The following ATP8B2 variants were observed in gnomAD, a reference collection of about 807,000 sequenced individuals.
ATP8B2 encodes phospholipid-transporting ATPase ID.
A neutral mutation model predicts 133.4 loss-of-function variants in ATP8B2; 70 were observed. That is an observed-to-expected ratio of 0.52 (90% CI 0.43 to 0.64). The LOEUF (loss-of-function observed/expected upper bound fraction) is 0.64, where lower values mean the gene tolerates loss of function less well. Ranked by LOEUF, ATP8B2 falls within the 30% of genes least tolerant of loss-of-function variation. The pLI is 0.00. For synonymous variants in ATP8B2, 517 were observed against 589.5 expected (o/e 0.88, Z 1.78); for missense variants, 1,101 against 1,535.7 (o/e 0.72, Z 4.73).
rs1686093553 is a variant in ATP8B2, at chr1:154,334,054, T to C, written c.590-53T>C. On this transcript the variant is annotated intron_variant, in intron 9 of 27. Coordinates refer to ENST00000368489, the MANE Select transcript of ATP8B2 (RefSeq NM_001370597.1). This position sits in a 1 kb window ranked among gnomAD's most constrained non-coding sequence, Gnocchi z 4.6. ...ATTTTCTCTTTGTTTTATTGTCTTG[T>C]GGTTAGGCTGTAGACTGGACCTTAA... 3.1e-6 allele frequency: 5 copies of C among 1,590,632 alleles called. No individual in the cohort carries two copies. Among genetic ancestry groups the C allele is most frequent in the Middle Eastern group, 1.7e-4 (1 of 5,968 alleles).
At position 154,350,646 on chromosome 1, in the gene ATP8B2, G is replaced by A. The variant is rs1046832027; in HGVS notation, c.*1528G>A. The A allele has an allele frequency of 6.6e-6, 1 of 152,338 alleles. No individual in the cohort carries two copies. The highest frequency in any genetic ancestry group is 2.4e-5 in the African/African-American group (1 of 41,460). 9.4% of individuals were successfully genotyped at this position (152,338 alleles called of 1,614,324 possible). A position where few individuals can be genotyped will look rare whatever the true frequency, so the allele number is the denominator to read the frequency against. On this transcript the variant is annotated 3_prime_UTR_variant, in exon 28 of 28. Transcript: ENST00000368489. Reference sequence around the variant, plus strand: ...TGTGCCGGGTAGTAGAGGAGGATAAGGGCAAAACCAGGCCCAGGCCAGTGC... The same window carrying A: ...TGTGCCGGGTAGTAGAGGAGGATAAAGGCAAAACCAGGCCCAGGCCAGTGC...
At chr1:154,333,806 T>G (rs1452439237) in intron 9 of ATP8B2, among the ~76,000 whole-genome samples, 3 of 151,832 alleles carry the variant, frequency 2.0e-5, no homozygotes, top group Non-Finnish European at 2.9e-5. Context: ...GGCTAATTTT[T>G]GTATTTTTAG....
At position 154,346,573 on chromosome 1, in the gene ATP8B2, G is replaced by A; in HGVS notation, c.3025-47G>A. The A allele has an allele frequency of 6.2e-7, 1 of 1,612,500 alleles. No individual in the cohort carries two copies. ...CACCACAGTTCTGTTTCTGGGGGAAGGGGCTTTTAGGGCGTGCGCCTGCCT... is the reference window on the plus strand; with the variant it reads ...CACCACAGTTCTGTTTCTGGGGGAAAGGGCTTTTAGGGCGTGCGCCTGCCT... On this transcript the variant is annotated intron_variant, in intron 25 of 27. Transcript: ENST00000368489. This position sits in a 1 kb window ranked among gnomAD's most constrained non-coding sequence, Gnocchi z 4.5.
chr1:154,349,093 G>T lies in ATP8B2; in HGVS notation c.3548G>T (p.Gly1183Val), dbSNP rs752965546. The T allele has an allele frequency of 1.9e-6, 3 of 1,614,062 alleles. No individual in the cohort carries two copies. The highest frequency in any genetic ancestry group is 2.2e-5 in the South Asian group (2 of 91,082). Residue 1183 changes from glycine (G) to valine (V), a missense_variant, in exon 28 of 28, where the codon GGT (glycine) becomes GTT (valine). Physicochemically the swap from Gly to Val is moderately radical, Grantham distance 109 (BLOSUM62 -3). Transcript: ENST00000368489. ...GACAGTGCCAGTAGCCCCAGTGGCG[G>T]TGCCGACAAGCCCCTCAAGGGCTGA... The part of the protein sequence containing the change: ...KSDSASSPSG[G>V]ADKPLKG
Position 154,345,721 on chromosome 1 carries a change from T to C in ATP8B2, c.2695-79T>C. 7.1e-7 allele frequency: 1 copy of C among 1,409,464 alleles called. No homozygotes were observed. The highest frequency in any genetic ancestry group is 1.0e-6 in the Non-Finnish European group (1 of 996,602). 87.3% of individuals were successfully genotyped at this position (1,409,464 alleles called of 1,614,324 possible). A position where few individuals can be genotyped will look rare whatever the true frequency, so the allele number is the denominator to read the frequency against. ...AGAAAATTTCTTAGGGTTCTCTGTA[T>C]GTGACATCAGCTGTCTTCCTGTGCC... On this transcript the variant is annotated intron_variant, in intron 23 of 27. Transcript: ENST00000368489. This position sits in a 1 kb window ranked among gnomAD's most constrained non-coding sequence, Gnocchi z 5.6.
rs1282898538 is a variant in ATP8B2 at position 154,345,730 on chromosome 1, A to T, written c.2695-70A>T. On this transcript the variant is annotated intron_variant, in intron 23 of 27. Transcript: ENST00000368489. This position sits in a 1 kb window ranked among gnomAD's most constrained non-coding sequence, Gnocchi z 5.6. ...CTTAGGGTTCTCTGTATGTGACATC[A>T]GCTGTCTTCCTGTGCCTGATGTGTA... The T allele has an allele frequency of 2.1e-6, 3 of 1,441,094 alleles. No individual in the cohort carries two copies. The highest frequency in any genetic ancestry group is 2.9e-6 in the Non-Finnish European group (3 of 1,024,454). The allele number at this position is 1,441,094 out of a possible 1,614,324, so 89.3% of individuals were successfully genotyped here.
chr1:154,349,061 G>A lies in ATP8B2; in HGVS notation c.3516G>A (p.Lys1172=), dbSNP rs1686699000. 6.2e-7 allele frequency: 1 copy of A among 1,614,264 alleles called. No individual in the cohort carries two copies. Among genetic ancestry groups the A allele is most frequent in the Middle Eastern group, 1.7e-4 (1 of 6,060 alleles). ...GCTGGATTGAGAGCCTGCGCAGGAA[G>A]AAGAGTGACAGTGCCAGTAGCCCCA... ...SSSWIESLRR[K]KSDSASSPSG... is the part of the protein sequence containing the mutation. Residue 1172 remains lysine (K), a synonymous_variant, in exon 28 of 28, where the codon AAG becomes AAA. Coordinates refer to ENST00000368489, the MANE Select transcript of ATP8B2 (RefSeq NM_001370597.1).
rs372538054 is a variant in ATP8B2, at chr1:154,330,941, T to C, written c.204+13T>C. The C allele has an allele frequency of 4.3e-6, 7 of 1,610,134 alleles. No homozygotes were observed. The East Asian group carries it at 1.1e-4, about 26-fold the overall frequency. ...CCTCATTCTGCAGGTAGGTGACCCATAGTAGATTTTTTGCAGCTCCCCAAA... is the reference window on the plus strand; with the variant it reads ...CCTCATTCTGCAGGTAGGTGACCCACAGTAGATTTTTTGCAGCTCCCCAAA... On this transcript the variant is annotated intron_variant, in intron 4 of 27. Coordinates refer to ENST00000368489, the MANE Select transcript of ATP8B2 (RefSeq NM_001370597.1).
In ATP8B2 at chr1:154,346,769, G is replaced by C; in HGVS notation, c.3163+11G>C. The C allele has an allele frequency of 6.2e-7, 1 of 1,613,762 alleles. No homozygotes were observed. The highest frequency in any genetic ancestry group is 8.5e-7 in the Non-Finnish European group (1 of 1,179,728). ...AGTTCCGGTTTGTGGGTAAGTCCCC[G>C]TGGCCTCCTTGAATCGGTGAGGAAT... On this transcript the variant is annotated intron_variant, in intron 26 of 27. Transcript: ENST00000368489. This position sits in a 1 kb window ranked among gnomAD's most constrained non-coding sequence, Gnocchi z 4.5.
At chr1:154,336,506 C>T (rs1215559146) in intron 11 of ATP8B2, among the ~76,000 whole-genome samples, 2 of 136,378 alleles carry the variant, frequency 1.5e-5, no homozygotes, top group South Asian at 2.3e-4. Context: ...TTTTTTGAGA[C>T]GGAGTCTCAC....
rs1685985251 is a variant in ATP8B2 at position 154,331,367 on chromosome 1, T to A, written c.304-77T>A. The A allele has an allele frequency of 3.4e-6, 5 of 1,486,374 alleles. No homozygotes were observed. Among genetic ancestry groups the A allele is most frequent in the Non-Finnish European group, 4.7e-6 (5 of 1,066,364 alleles). The allele number at this position is 1,486,374 out of a possible 1,614,324, so 92.1% of individuals were successfully genotyped here. ...GGTGTGTATGAGGCGTTAACCAGCA[T>A]GCTCTGAGTTCTACTGATCAACGAA... On this transcript the variant is annotated intron_variant, in intron 5 of 27. Coordinates refer to ENST00000368489, the MANE Select transcript of ATP8B2 (RefSeq NM_001370597.1). The surrounding 1 kb of genome is among the most constrained non-coding windows in gnomAD (Gnocchi z 4.8).
At chr1:154,338,269 G>T (rs1195773632) in intron 12 of ATP8B2, among the ~76,000 whole-genome samples, 4 of 152,180 alleles carry the variant, frequency 2.6e-5, no homozygotes, top group African/African-American at 9.7e-5. Context: ...AGTTGGCCAG[G>T]GTCTTGGGCC....
rs1686721898 is a variant in ATP8B2 at position 154,349,711 on chromosome 1, GC to G, written c.*594del. ...TAACTCTCCTGGGAAAAGGAGGCTG[GC>G]ACACACTGGGATGCCGCAGCCTGGC... On this transcript the variant is annotated 3_prime_UTR_variant, in exon 28 of 28. Coordinates refer to ENST00000368489, the MANE Select transcript of ATP8B2 (RefSeq NM_001370597.1). The G allele has an allele frequency of 6.5e-6, 1 of 154,144 alleles. No homozygotes were observed. Among genetic ancestry groups the G allele is most frequent in the Non-Finnish European group, 1.4e-5 (1 of 69,124 alleles). 9.5% of individuals were successfully genotyped at this position (154,144 alleles called of 1,614,324 possible).
At position 154,343,680 on chromosome 1, in the gene ATP8B2, A is replaced by ATG. The variant is rs1359380023; in HGVS notation, c.1758+116_1758+117dup. 10 of 1,086,632 alleles carry ATG rather than the reference A, an allele frequency of 9.2e-6. No individual in the cohort carries two copies. The highest frequency in any genetic ancestry group is 8.2e-5 in the South Asian group (6 of 72,950). 67.3% of individuals were successfully genotyped at this position (1,086,632 alleles called of 1,614,324 possible). On this transcript the variant is annotated intron_variant, in intron 17 of 27. Coordinates refer to ENST00000368489, the MANE Select transcript of ATP8B2 (RefSeq NM_001370597.1). This position sits in a 1 kb window ranked among gnomAD's most constrained non-coding sequence, Gnocchi z 5.8. ...TTAAGGTCTACAACGTGATGTTTTGATGTGTATATATAGTGAAGTGATTAC... is the reference window on the plus strand; with the variant it reads ...TTAAGGTCTACAACGTGATGTTTTGATGTGTGTATATATAGTGAAGTGATTAC...
rs1178765358 is a variant in ATP8B2 at position 154,340,983 on chromosome 1, C to T, written c.1164C>T (p.Tyr388=). ...ACGAGGAGCTGGGCCAGGTGGAGTACATCTTCTCCGACAAGACGGGCACCC... is the reference window on the plus strand; with the variant it reads ...ACGAGGAGCTGGGCCAGGTGGAGTATATCTTCTCCGACAAGACGGGCACCC... ...TLNEELGQVE[Y]IFSDKTGTLT... Residue 388 remains tyrosine (Y), a synonymous_variant, in exon 13 of 28, where the codon TAC becomes TAT. Transcript: ENST00000368489. The surrounding 1 kb of genome is among the most constrained non-coding windows in gnomAD (Gnocchi z 4.0). 2 of 1,614,184 alleles carry T rather than the reference C, an allele frequency of 1.2e-6. No homozygotes were observed. Among genetic ancestry groups the T allele is most frequent in the East Asian group, 2.2e-5 (1 of 44,878 alleles).
At chr1:154,332,898 G>T (rs750405627) in intron 9 of ATP8B2, among the ~76,000 whole-genome samples, 4 of 152,142 alleles carry the variant, frequency 2.6e-5, no homozygotes, top group Non-Finnish European at 2.9e-5. Flanking sequence ...GGACTTTGTG[G>T]CTGATAGCTC....
Position 154,342,787 on chromosome 1 carries a change from G to C in ATP8B2, c.1288-9G>C, listed in dbSNP as rs748654312. ...TAGCCTTTCCTAAGAGCCTTCTTAT[G>C]TGTTTCAGAGGCCTGAACCTGTTGA... On this transcript the variant is annotated splice_polypyrimidine_tract_variant and intron_variant, in intron 14 of 27. Transcript: ENST00000368489. 4 of 1,613,734 alleles carry C rather than the reference G, an allele frequency of 2.5e-6. No homozygotes were observed. The highest frequency in any genetic ancestry group is 1.7e-4 in the Middle Eastern group (1 of 6,046).
At chr1:154,347,773 T>A (rs2149176963) in intron 26 of ATP8B2, among the ~76,000 whole-genome samples, 1 of 152,060 alleles carries the variant, frequency 6.6e-6, no homozygotes, top group East Asian at 1.9e-4. Flanking sequence ...AAACCCCATC[T>A]CTACTAAAAA....
At chr1:154,326,695 C>G (rs1238289960) in intron 1 of ATP8B2, among the ~76,000 whole-genome samples, 2 of 152,216 alleles carry the variant, frequency 1.3e-5, no homozygotes, top group Admixed American at 6.5e-5. Context: ...ACTCCTGACT[C>G]CTGATGGCGT....
Sources: allele counts gnomAD v4.1 joint callset (sites outside exome capture counted in the v4.1 genomes callset), GRCh38; gene constraint gnomAD v4.1.1; non-coding constraint Gnocchi (gnomAD v3.1); transcripts MANE v1.5; gene names NCBI Gene and HGNC (gene_info 2026-07-23, HGNC 2026-07-21).